Variants in SPTBN1 observed in about 807,000 individuals in gnomAD.
SPTBN1 encodes spectrin beta chain, non-erythrocytic 1.
In SPTBN1, 32 loss-of-function variants were observed where a neutral mutation model predicts 266.4. That is an observed-to-expected ratio of 0.12 (90% CI 0.09 to 0.16). The LOEUF is 0.16. Ranked by LOEUF, SPTBN1 falls within the 10% of genes least tolerant of loss-of-function variation. SPTBN1 has a pLI of 1.00. For synonymous variants in SPTBN1, 1,336 were observed against 1,162.2 expected (o/e 1.15, Z -3.04); for missense variants, 2,296 against 3,067.1 (o/e 0.75, Z 5.94).
rs375121259 is a variant in SPTBN1, at chr2:54,653,669, G to A, written c.5638G>A (p.Asp1880Asn). 4.3e-6 allele frequency: 7 copies of A among 1,614,132 alleles called. No homozygotes were observed. The highest frequency in any genetic ancestry group is 2.2e-5 in the South Asian group (2 of 91,074). ...GGCGGCCTATGCGGGTGACAAGGCC[G>A]ACGATATCCAGAAGCGCGAGAACGA... Reference protein sequence around the residue: ...LQAAYAGDKADDIQKRENEVL... With the variant: ...LQAAYAGDKANDIQKRENEVL... Residue 1880 changes from aspartate (D) to asparagine (N), a missense_variant, in exon 27 of 36, where the codon GAC becomes AAC. Around this residue, in one of 12 missense-constraint regions of SPTBN1, gnomAD observed 644 missense variants for 745.3 expected, o/e 0.86. Coordinates refer to ENST00000356805, the MANE Select transcript of SPTBN1 (RefSeq NM_003128.3). This position sits in a 1 kb window ranked among gnomAD's most constrained non-coding sequence, Gnocchi z 5.1.
At chr2:54,492,180 C>A (rs536107590) in intron 1 of SPTBN1, among the ~76,000 whole-genome samples, 2 of 152,020 alleles carry the variant, frequency 1.3e-5, no homozygotes, top group Non-Finnish European at 2.9e-5. Context: ...TTACGGTTTG[C>A]GCTCACATAT....
Position 54,528,546 on chromosome 2 carries a change from A to G in SPTBN1, c.148+1980A>G, listed in dbSNP as rs570286803. ...ATATATTAACAGTTAATCCCATAAC[A>G]ATCATATGAGAGAGATTATTACTGT... On this transcript the variant is annotated intron_variant, in intron 2 of 35. Coordinates refer to ENST00000356805, the MANE Select transcript of SPTBN1 (RefSeq NM_003128.3). 3 of 152,380 alleles carry G rather than the reference A, an allele frequency of 2.0e-5. No homozygotes were observed. The South Asian group carries it at 6.2e-4, about 32-fold the overall frequency. The allele number at this position is 152,380 out of a possible 1,614,324, so 9.4% of individuals were successfully genotyped here. A position where few individuals can be genotyped will look rare whatever the true frequency, so the allele number is the denominator to read the frequency against.
chr2:54,608,868 A>G (rs937881207), intron 3 of SPTBN1, among the ~76,000 whole-genome samples: 2 of 152,172 alleles, frequency 1.3e-5, no homozygotes, highest in South Asian at 2.1e-4. Flanking sequence ...CATATTTTGC[A>G]TGTTATGTGT....
In SPTBN1 at chr2:54,660,200, G is replaced by T. The variant is rs1482992506; in HGVS notation, c.6420+201G>T. ...TTTACTTAATTCATAGCCTTCCTTG[G>T]TTTCATATTTGTTTGCATTTAATTC... is the stretch of plus-strand genomic sequence containing the variant. On this transcript the variant is annotated intron_variant, in intron 32 of 35. Coordinates refer to ENST00000356805, the MANE Select transcript of SPTBN1 (RefSeq NM_003128.3). 4.1e-6 allele frequency: 6 copies of T among 1,450,288 alleles called. No homozygotes were observed. In the Admixed American group the frequency reaches 1.0e-4, roughly 25 times the overall value. The allele number at this position is 1,450,288 out of a possible 1,614,324, so 89.8% of individuals were successfully genotyped here.
intron 2 of SPTBN1, among the ~76,000 whole-genome samples, chr2:54,561,266 TC>T (rs1573416398): frequency 6.6e-6 from 1 of 152,186 alleles, no homozygotes; most frequent in East Asian, 1.9e-4. Flanking sequence ...CACCTCAGCC[TC>T]CCAAGTAGCT....
At chr2:54,550,785 C>T (rs559591604) in intron 2 of SPTBN1, among the ~76,000 whole-genome samples, 1 of 152,292 alleles carries the variant, frequency 6.6e-6, no homozygotes, top group East Asian at 1.9e-4. Flanking sequence ...GTCTGATTTC[C>T]TCAGCTAGGT....
At chr2:54,575,185 G>A (rs1035846906) in intron 2 of SPTBN1, among the ~76,000 whole-genome samples, 4 of 152,166 alleles carry the variant, frequency 2.6e-5, no homozygotes, top group Non-Finnish European at 5.9e-5. Context: ...AATCCAGAGC[G>A]TTGTGTATTT....
rs549491367 is a variant in SPTBN1 at position 54,530,353 on chromosome 2, C to CTTTTTTTTT, written c.148+3802_148+3810dup. 6.8e-3 allele frequency among the ~76,000 whole-genome samples: 506 copies of CTTTTTTTTT among 73,898 alleles called. 61 individuals are homozygous for CTTTTTTTTT. Among genetic ancestry groups the CTTTTTTTTT allele is most frequent in the African/African-American group, 0.012 (234 of 18,942 alleles). 48.5% of individuals were successfully genotyped at this position (73,898 alleles called of 152,430 possible). On this transcript the variant is annotated intron_variant, in intron 2 of 35. Coordinates refer to ENST00000356805, the MANE Select transcript of SPTBN1 (RefSeq NM_003128.3). ...TAGGTTATCTGTGAATTGTAAAAAA[C>CTTTTTTTTT]TTTTTTTTTTTTTTTTTTTTTTTGA... is the stretch of plus-strand genomic sequence containing the variant.
intron 3 of SPTBN1, among the ~76,000 whole-genome samples, chr2:54,602,913 G>C (rs1351815207): frequency 2.0e-5 from 3 of 152,202 alleles, no homozygotes; most frequent in Admixed American, 2.0e-4. Context: ...TTGAAATAGT[G>C]TTTGTGGACT....
At chr2:54,624,712 G>C in intron 10 of SPTBN1, 92 bp from the exon 11 acceptor site, 3 of 1,545,808 alleles carry the variant, frequency 1.9e-6, no homozygotes, top group Non-Finnish European at 8.7e-7. Context: ...AGGTCCTTTT[G>C]AGAAATATTA....
At chr2:54,485,270 C>T (rs1466906371) in intron 1 of SPTBN1, among the ~76,000 whole-genome samples, 2 of 151,518 alleles carry the variant, frequency 1.3e-5, no homozygotes, top group Admixed American at 6.6e-5. Flanking sequence ...GCTCCCATCT[C>T]GGCTCACTGC....
At chr2:54,519,303 G>A (rs1275272011) in intron 1 of SPTBN1, among the ~76,000 whole-genome samples, 1 of 152,202 alleles carries the variant, frequency 6.6e-6, no homozygotes, top group Non-Finnish European at 1.5e-5. Context: ...TTGATGGTAA[G>A]TAAATAGAAG....
At chr2:54,596,475 G>T (rs370870137) in intron 2 of SPTBN1, among the ~76,000 whole-genome samples, 1 of 152,080 alleles carries the variant, frequency 6.6e-6, no homozygotes, top group Non-Finnish European at 1.5e-5. Flanking sequence ...CCTGCCCCTC[G>T]TGTGTTATGA....
intron 2 of SPTBN1, among the ~76,000 whole-genome samples, chr2:54,586,305 G>A (rs1675291182): frequency 6.6e-6 from 1 of 152,138 alleles, no homozygotes. Context: ...ATGGGTTATG[G>A]TCACTGGCCA....
Position 54,644,393 on chromosome 2 carries a change from A to G in SPTBN1, c.4076A>G (p.His1359Arg). ...AVVKEKLTGLHKMWEVLESTT... is the reference protein window; with the variant it reads ...AVVKEKLTGLRKMWEVLESTT... ...GTGAAGGAGAAACTCACTGGTTTAC[A>G]TAAAATGTGGGAAGTCCTTGAATCC... The change falls in exon 20 of 36, where the codon CAT (histidine) becomes CGT (arginine). Residue 1359 changes from histidine to arginine, a missense_variant. Transcript: ENST00000356805. 3.1e-6 allele frequency: 5 copies of G among 1,614,246 alleles called. No individual in the cohort carries two copies. The highest frequency in any genetic ancestry group is 4.2e-6 in the Non-Finnish European group (5 of 1,180,036).
chr2:54,630,044 AG>A lies in SPTBN1; in HGVS notation c.2807+16del. 1 of 1,611,536 alleles carries A rather than the reference AG, an allele frequency of 6.2e-7. No individual in the cohort carries two copies. Among genetic ancestry groups the A allele is most frequent in the Non-Finnish European group, 8.5e-7 (1 of 1,178,790 alleles). On this transcript the variant is annotated intron_variant, in intron 15 of 35. Transcript: ENST00000356805. ...CTCAACACAAGGTGAGCACGTGGCC[AG>A]CAGTGTGCCAGCCTCCCACGTGTGG... is the stretch of plus-strand genomic sequence containing the variant.
At chr2:54,480,870 T>C (rs1668059325) in intron 1 of SPTBN1, among the ~76,000 whole-genome samples, 1 of 152,226 alleles carries the variant, frequency 6.6e-6, no homozygotes, top group Non-Finnish European at 1.5e-5. Context: ...TAAGGTGACT[T>C]ATTGAAGCCC....
At chr2:54,479,718 G>A (rs1233295752) in intron 1 of SPTBN1, among the ~76,000 whole-genome samples, 1 of 152,196 alleles carries the variant, frequency 6.6e-6, no homozygotes, top group East Asian at 1.9e-4. Flanking sequence ...AACATGTAAA[G>A]TTTTGCAATG....
At chr2:54,601,010 AG>A (rs1294487790) in intron 3 of SPTBN1, among the ~76,000 whole-genome samples, 1 of 152,178 alleles carries the variant, frequency 6.6e-6, no homozygotes, top group Non-Finnish European at 1.5e-5. Flanking sequence ...AAATATAAGT[AG>A]GGAGAAAAAC....
Sources: allele counts gnomAD v4.1 joint callset (sites outside exome capture counted in the v4.1 genomes callset), GRCh38; gene constraint gnomAD v4.1.1; regional missense constraint gnomAD v4.1.1; non-coding constraint Gnocchi (gnomAD v3.1); transcripts MANE v1.5; gene names NCBI Gene and HGNC (gene_info 2026-07-23, HGNC 2026-07-21).